The following BCR variants were observed in gnomAD, a reference collection of about 807,000 sequenced individuals.
BCR encodes the protein breakpoint cluster region protein.
BCR carries 58 observed loss-of-function variants against 138.6 expected under a neutral mutation model. The ratio of observed to expected loss-of-function variants is 0.42; its 90% confidence interval spans 0.34 to 0.52. The LOEUF (loss-of-function observed/expected upper bound fraction) is 0.52, where lower values mean the gene tolerates loss of function less well. Among genes scored for constraint, BCR ranks in the 20% least tolerant of loss-of-function variants. The pLI, the probability that BCR is intolerant of heterozygous loss-of-function variation, is 0.06. For synonymous variants in BCR, 786 were observed against 730.1 expected, an observed-to-expected ratio of 1.08 and a Z score of -1.23; for missense variants, 1,599 against 1,727.2, an observed-to-expected ratio of 0.93 and a Z score of 1.32.
chr22:23,241,874 C>T (rs999815255), intron 1 of BCR, among the ~76,000 whole-genome samples: 2 of 152,126 alleles, frequency 1.3e-5, no homozygotes, highest in Non-Finnish European at 2.9e-5. Context: ...CAGACATCTC[C>T]TAAATGGAGC....
At chr22:23,270,339 A>G (rs1420689712) in intron 5 of BCR, among the ~76,000 whole-genome samples, 1 of 152,202 alleles carries the variant, frequency 6.6e-6, no homozygotes, top group Non-Finnish European at 1.5e-5. Context: ...TTTGGGAGTC[A>G]GGCCAGTTTG....
chr22:23,262,048 A>C (rs1181847370), intron 4 of BCR: 1 of 153,296 alleles, frequency 6.5e-6, no homozygotes, highest in Non-Finnish European at 1.5e-5. Context: ...CTATAGGTGC[A>C]CGCCACCACA....
At chr22:23,203,231 C>G (rs2072576632) in intron 1 of BCR, among the ~76,000 whole-genome samples, 1 of 152,148 alleles carries the variant, frequency 6.6e-6, no homozygotes, top group Non-Finnish European at 1.5e-5. Flanking sequence ...TTTACCAGGT[C>G]AGAGAGGTGG....
At chr22:23,308,997 C>T (rs1286649416) in intron 16 of BCR, among the ~76,000 whole-genome samples, 1 of 152,138 alleles carries the variant, frequency 6.6e-6, no homozygotes, top group Non-Finnish European at 1.5e-5. Context: ...GTTCATGGTG[C>T]AGGGGGAGAA....
rs532480969 is a variant in BCR, at chr22:23,289,782, G to A, written c.2707+161G>A. On this transcript the variant is annotated intron_variant, in intron 13 of 22. Coordinates refer to ENST00000305877, the MANE Select transcript of BCR (RefSeq NM_004327.4). ...TAGGGCCTCTTGTCTCCTCCCAGGA[G>A]TGGACAAGGTGGGTTAGGAGCAGTT... The A allele has an allele frequency of 9.1e-6, 6 of 659,370 alleles. No homozygotes were observed. In the Admixed American group the frequency reaches 1.3e-4, roughly 14 times the overall value. The allele number at this position is 659,370 out of a possible 1,614,324, so 40.8% of individuals were successfully genotyped here.
At chr22:23,182,495 G>A (rs1241811685) in intron 1 of BCR, among the ~76,000 whole-genome samples, 2 of 152,226 alleles carry the variant, frequency 1.3e-5, no homozygotes, top group Admixed American at 6.5e-5. Context: ...TTGTTCCTTT[G>A]GTTCTAGAGC....
chr22:23,297,270 G>A (rs139296274), intron 16 of BCR, among the ~76,000 whole-genome samples: 192 of 146,658 alleles, frequency 1.3e-3, no homozygotes, highest in African/African-American at 4.5e-3. Flanking sequence ...TGCCCAGGCC[G>A]GAGTGCAGTG....
intron 1 of BCR, among the ~76,000 whole-genome samples, chr22:23,205,935 C>T (rs565708298): frequency 1.8e-4 from 28 of 152,120 alleles, no homozygotes; most frequent in Non-Finnish European, 4.1e-4. Flanking sequence ...GTGATGCAAT[C>T]GATGACAGAG....
chr22:23,249,298 G>A (rs550003081), intron 1 of BCR, among the ~76,000 whole-genome samples: 1 of 152,158 alleles, frequency 6.6e-6, no homozygotes, highest in Non-Finnish European at 1.5e-5. Flanking sequence ...CAGGCGTGGT[G>A]GCGCACGCCT....
rs898247946 is a variant in BCR, at chr22:23,180,565, C to G, written c.-396C>G. 1.8e-4 allele frequency: 16 copies of G among 87,494 alleles called. No homozygotes were observed. Among genetic ancestry groups the G allele is most frequent in the African/African-American group, 2.3e-4 (3 of 12,862 alleles). The allele number at this position is 87,494 out of a possible 1,614,324, so 5.4% of individuals were successfully genotyped here. A position where few individuals can be genotyped will look rare whatever the true frequency, so the allele number is the denominator to read the frequency against. ...GAGCCGGCTGGCTGAGCTTAGCGTCCGAGGAGGCGGCGGCGGCGGCGGCGG... is the reference window on the plus strand; with the variant it reads ...GAGCCGGCTGGCTGAGCTTAGCGTCGGAGGAGGCGGCGGCGGCGGCGGCGG... On this transcript the variant is annotated 5_prime_UTR_variant, in exon 1 of 23. Coordinates refer to ENST00000305877, the MANE Select transcript of BCR (RefSeq NM_004327.4).
intron 4 of BCR, chr22:23,263,865 T>C: frequency 1.0e-6 from 1 of 973,688 alleles, no homozygotes; most frequent in Non-Finnish European, 1.7e-6. Context: ...CCAAATCTGG[T>C]CTGTTGCTAT....
At chr22:23,199,854 G>A (rs2072530061) in intron 1 of BCR, among the ~76,000 whole-genome samples, 1 of 152,154 alleles carries the variant, frequency 6.6e-6, no homozygotes, top group Non-Finnish European at 1.5e-5. Context: ...ACTTTGGGAG[G>A]CCAAGGCGGG....
intron 1 of BCR, among the ~76,000 whole-genome samples, chr22:23,234,352 A>G (rs2072998324): frequency 6.6e-6 from 1 of 152,136 alleles, no homozygotes; most frequent in Admixed American, 6.5e-5. Flanking sequence ...GGGTGGCCCC[A>G]TGCGTTGAAT....
At chr22:23,238,925 G>C (rs1356297908) in intron 1 of BCR, among the ~76,000 whole-genome samples, 1 of 151,992 alleles carries the variant, frequency 6.6e-6, no homozygotes, top group African/African-American at 2.4e-5. Flanking sequence ...TCCTCTGTCG[G>C]GTCGGGTCAG....
intron 1 of BCR, among the ~76,000 whole-genome samples, chr22:23,205,921 G>A (rs1478368039): frequency 6.6e-6 from 1 of 152,172 alleles, no homozygotes; most frequent in Non-Finnish European, 1.5e-5. Context: ...CCAAATGCCT[G>A]GTGGTGATGC....
At chr22:23,243,468 C>A (rs541444554) in intron 1 of BCR, among the ~76,000 whole-genome samples, 1 of 152,108 alleles carries the variant, frequency 6.6e-6, no homozygotes, top group Non-Finnish European at 1.5e-5. Context: ...AGAGCTTTCA[C>A]GTTGGTGAAC....
chr22:23,271,442 GAA>G (rs2073508151), intron 5 of BCR, 88 bp from the exon 6 acceptor site: 1 of 1,358,762 alleles, frequency 7.4e-7, no homozygotes. Flanking sequence ...TGTAGTGAGG[GAA>G]AGCTGAAATT....
intron 1 of BCR, among the ~76,000 whole-genome samples, chr22:23,225,815 G>T (rs892952413): frequency 6.6e-6 from 1 of 152,238 alleles, no homozygotes; most frequent in South Asian, 2.1e-4. Flanking sequence ...CTGTCAGGGA[G>T]CCTGGGGGCC....
Position 23,181,343 on chromosome 22 carries a change from C to G in BCR, c.383C>G (p.Pro128Arg). 6.7e-7 allele frequency: 1 copy of G among 1,493,236 alleles called. No homozygotes were observed. Among genetic ancestry groups the G allele is most frequent in the South Asian group, 1.3e-5 (1 of 75,388 alleles). The allele number at this position is 1,493,236 out of a possible 1,614,324, so 92.5% of individuals were successfully genotyped here. ...DGEGSPGKAR[P>R]GTARRPGAAA... ...GAGGGTTCTCCGGGTAAGGCCAGGC[C>G]CGGGACCGCCCGCAGGCCCGGGGCA... is the stretch of plus-strand genomic sequence containing the variant. Residue 128 changes from proline to arginine, a missense_variant, in exon 1 of 23, where the codon CCC becomes CGC. By Grantham distance (103) the Pro-to-Arg change is moderately radical. This residue lies in a region of BCR where 806 missense variants were observed against 635.0 expected (regional missense o/e 1.27). Coordinates refer to ENST00000305877, the MANE Select transcript of BCR (RefSeq NM_004327.4).
Sources: gnomAD v4.1 joint callset for allele counts (sites outside exome capture counted in the v4.1 genomes callset) on GRCh38, gnomAD v4.1.1 for gene constraint, gnomAD v4.1.1 regional missense constraint, MANE v1.5 for transcripts, NCBI Gene and HGNC (gene_info 2026-07-23, HGNC 2026-07-21) for gene names.